The following DNAH5 variants were observed in gnomAD, a reference collection of about 807,000 sequenced individuals.
DNAH5 encodes the protein dynein axonemal heavy chain 5, also known as axonemal beta dynein heavy chain 5.
In DNAH5, 372 loss-of-function variants were observed where a neutral mutation model predicts 518.2. The observed-to-expected ratio is 0.72, with a 90% CI of 0.66 to 0.78. The LOEUF (loss-of-function observed/expected upper bound fraction) is 0.78. Among genes scored for constraint, DNAH5 ranks in the 30% least tolerant of loss-of-function variants. DNAH5 has a pLI of 0.00. For missense variants in DNAH5, 5,523 were observed against 5,687.0 expected (o/e 0.97, Z 0.93); for synonymous variants, 2,039 against 2,025.9 (o/e 1.01, Z -0.17).
intron 38 of DNAH5, among the ~76,000 whole-genome samples, chr5:13,826,177 C>T (rs191054308): frequency 9.2e-5 from 14 of 152,286 alleles, no homozygotes; most frequent in Admixed American, 7.2e-4. Context: ...TTCACCAAGA[C>T]ATCAGTATGA....
At chr5:13,821,115 A>G (rs1393142007) in intron 40 of DNAH5, among the ~76,000 whole-genome samples, 2 of 152,188 alleles carry the variant, frequency 1.3e-5, no homozygotes, top group African/African-American at 2.4e-5. Flanking sequence ...ATAGACAAAA[A>G]TCTGGCTGAA....
chr5:13,769,294 C>A (rs1400361303), intron 57 of DNAH5, among the ~76,000 whole-genome samples, 158 bp from the exon 58 acceptor site: 1 of 138,892 alleles, frequency 7.2e-6, no homozygotes, highest in Non-Finnish European at 1.5e-5. Context: ...GTCGCCCAGG[C>A]TGGAGTGCAG....
chr5:13,811,745 G>A lies in DNAH5; in HGVS notation c.7309C>T (p.Arg2437Cys), dbSNP rs201469471. Reference protein sequence around the residue: ...LYTESFPDLYRFCIQNLEYKM... With the variant: ...LYTESFPDLYCFCIQNLEYKM... ...TATTCTAAGTTCTGGATACAGAAGC[G>A]ATACAAGTCTGGGAAAGACTCGGTG... The change falls in exon 44 of 79, where the codon CGC (arginine) becomes TGC (cysteine). Residue 2437 changes from arginine to cysteine, a missense_variant. Arg to Cys is a radical substitution (Grantham distance 180). This residue lies in a region of DNAH5 where 5,121 missense variants were observed against 5,223.3 expected (regional missense o/e 0.98). Transcript: ENST00000265104. 4.5e-5 allele frequency: 72 copies of A among 1,614,110 alleles called. 1 individual carries two copies. The Admixed American group carries it at 6.5e-4, about 15-fold the overall frequency.
intron 75 of DNAH5, among the ~76,000 whole-genome samples, chr5:13,711,279 C>T (rs1363284256): frequency 2.0e-5 from 3 of 152,054 alleles, no homozygotes; most frequent in Non-Finnish European, 2.9e-5. Flanking sequence ...CATGATCATC[C>T]CAATAGATGC....
At chr5:13,783,523 T>C (rs1331583786) in intron 52 of DNAH5, among the ~76,000 whole-genome samples, 1 of 152,062 alleles carries the variant, frequency 6.6e-6, no homozygotes, top group African/African-American at 2.4e-5. Flanking sequence ...CATGATTTGT[T>C]TACCCATAAG....
chr5:13,896,798 T>C (rs1773968218), intron 15 of DNAH5: 1 of 152,232 alleles, frequency 6.6e-6, no homozygotes, highest in Non-Finnish European at 1.5e-5. Context: ...AAACTGTCAA[T>C]ATTTTGTTCA....
rs904428157 is a variant in DNAH5, at chr5:13,865,844, G to A, written c.4179C>T (p.Gly1393=). 12 of 1,613,414 alleles carry A rather than the reference G, an allele frequency of 7.4e-6. No homozygotes were observed. In the African/African-American group the frequency reaches 9.4e-5, roughly 13 times the overall value. ...GCTGAGGATACTGTGTAGCTGGCAGGCCAAAAAGCTCCTCTCCTCCAGTAT... is the reference window on the plus strand; with the variant it reads ...GCTGAGGATACTGTGTAGCTGGCAGACCAAAAAGCTCCTCTCCTCCAGTAT... ...ITYTGGEELF[G]LPATQYPQLL... Residue 1393 remains glycine (G), a synonymous_variant, in exon 27 of 79, where the codon GGC becomes GGT. Coordinates refer to ENST00000265104, the MANE Select transcript of DNAH5 (RefSeq NM_001369.3).
chr5:13,751,853 T>G (rs1180680198), intron 64 of DNAH5, among the ~76,000 whole-genome samples: 2 of 151,986 alleles, frequency 1.3e-5, no homozygotes, highest in Non-Finnish European at 2.9e-5. Context: ...CTTGCCCAGA[T>G]GTGGGTGGGG....
intron 45 of DNAH5, 124 bp from the exon 46 acceptor site, chr5:13,809,310 T>A: frequency 8.4e-7 from 1 of 1,191,842 alleles, no homozygotes; most frequent in Non-Finnish European, 1.2e-6. Context: ...TGAAGATCAT[T>A]AAAATTAGAG....
At chr5:13,898,053 C>A (rs1451300214) in intron 15 of DNAH5, 1 of 152,232 alleles carries the variant, frequency 6.6e-6, no homozygotes, top group Non-Finnish European at 1.5e-5. Flanking sequence ...CTGGAGTGTA[C>A]CTTCCAGCTT....
chr5:13,706,586 T>C lies in DNAH5; in HGVS notation c.13338+1537A>G, dbSNP rs58625760. 9.8e-3 allele frequency among the ~76,000 whole-genome samples: 1,491 copies of C among 152,258 alleles called. 23 individuals carry two copies. Among genetic ancestry groups the C allele is most frequent in the African/African-American group, 0.033 (1,367 of 41,544 alleles). On this transcript the variant is annotated intron_variant, in intron 76 of 78. Transcript: ENST00000265104. ...CCCATAACATGGGTGTGCATGCACA[T>C]CACACACAGACACATGCACACACAA...
intron 41 of DNAH5, among the ~76,000 whole-genome samples, chr5:13,818,616 A>G (rs1761796267): frequency 6.6e-6 from 1 of 152,336 alleles, no homozygotes; most frequent in South Asian, 2.1e-4. Context: ...ATGCCTTTCT[A>G]TAATTCCTTA....
Position 13,970,165 on chromosome 5 carries a change from C to G in DNAH5, c.13-38921G>C, listed in dbSNP as rs758911265. ...TGGAATATCTTTTTCCACCCCTTTA[C>G]CTTAAATGTATGTGAGTCCTTATGT... On this transcript the variant is annotated intron_variant, in intron 1 of 78. Transcript: ENST00000681290. 7.9e-4 allele frequency among the ~76,000 whole-genome samples: 121 copies of G among 152,224 alleles called. 1 individual carries two copies. Among genetic ancestry groups the G allele is most frequent in the Non-Finnish European group, 1.4e-3 (95 of 67,990 alleles).
intron 76 of DNAH5, among the ~76,000 whole-genome samples, chr5:13,705,877 C>T (rs1044688402): frequency 1.3e-5 from 2 of 152,170 alleles, no homozygotes; most frequent in Non-Finnish European, 2.9e-5. Context: ...CTGCCACAAG[C>T]CAAGGAGCTC....
chr5:13,933,859 A>G (rs887978075), intron 1 of DNAH5, among the ~76,000 whole-genome samples: 2 of 151,848 alleles, frequency 1.3e-5, no homozygotes, highest in African/African-American at 4.8e-5. Context: ...AAACCGTAGT[A>G]GCAATAAATC....
rs144428526 is a variant in DNAH5 at position 13,809,177 on chromosome 5, G to A, written c.7619C>T (p.Thr2540Met). The A allele has an allele frequency of 1.7e-5, 27 of 1,613,950 alleles. No individual in the cohort carries two copies. The Middle Eastern group carries it at 1.8e-3, about 108-fold the overall frequency. Residue 2540 changes from threonine (T) to methionine (M), a missense_variant, in exon 46 of 79, where the codon ACG (threonine) becomes ATG (methionine). By Grantham distance (81) the Thr-to-Met change is moderately conservative (BLOSUM62 -1). Around this residue, in one of 3 missense-constraint regions of DNAH5, gnomAD observed 5,121 missense variants for 5,223.3 expected, o/e 0.98. Coordinates refer to ENST00000265104, the MANE Select transcript of DNAH5 (RefSeq NM_001369.3). ...DYYVAPDGTW[T>M]HWNTRTQEYL... ...TTCCTGGGTACGCGTGTTCCAGTGC[G>A]TCCATGTACCTAAGGTGAGCAGAGG...
intron 12 of DNAH5, among the ~76,000 whole-genome samples, chr5:13,910,278 C>T (rs977761811): frequency 2.2e-4 from 33 of 152,208 alleles, no homozygotes; most frequent in African/African-American, 8.0e-4. Context: ...GCCACTTCCC[C>T]TCACAGTGAA....
chr5:13,904,951 A>G (rs1775105086), intron 12 of DNAH5, among the ~76,000 whole-genome samples: 1 of 152,140 alleles, frequency 6.6e-6, no homozygotes, highest in African/African-American at 2.4e-5. Flanking sequence ...AAATAGTAGG[A>G]AGTAAAAGAA....
At chr5:13,724,282 AT>A (rs2126546912) in intron 70 of DNAH5, among the ~76,000 whole-genome samples, 1 of 152,324 alleles carries the variant, frequency 6.6e-6, no homozygotes, top group East Asian at 1.9e-4. Context: ...GAGATTCAAG[AT>A]TTAAGGACTG....
Sources: allele counts gnomAD v4.1 joint callset (sites outside exome capture counted in the v4.1 genomes callset), GRCh38; gene constraint gnomAD v4.1.1; regional missense constraint gnomAD v4.1.1; transcripts MANE v1.5; gene names NCBI Gene and HGNC (gene_info 2026-07-23, HGNC 2026-07-21).